Variants in CTNND2 observed in about 807,000 individuals in gnomAD.
The protein encoded by CTNND2 is catenin delta-2.
CTNND2 carries 22 observed loss-of-function variants against 144.4 expected under a neutral mutation model. The observed-to-expected ratio is 0.15, with a 90% CI of 0.11 to 0.22. The LOEUF (loss-of-function observed/expected upper bound fraction) is 0.22. Among genes scored for constraint, CTNND2 ranks in the 10% least tolerant of loss-of-function variants. The pLI is 1.00. For synonymous variants in CTNND2, 751 were observed against 695.6 expected (o/e 1.08, Z -1.25); for missense variants, 1,353 against 1,618.8 (o/e 0.84, Z 2.82).
At chr5:11,862,205 G>A (rs1236000540) in intron 1 of CTNND2, among the ~76,000 whole-genome samples, 1 of 152,088 alleles carries the variant, frequency 6.6e-6, no homozygotes, top group African/African-American at 2.4e-5. Flanking sequence ...TTTTCTCAAA[G>A]ATTGTCCTGT....
At position 11,475,006 on chromosome 5, in the gene CTNND2, C is replaced by T. The variant is rs144534687; in HGVS notation, c.288-62937G>A. Reference sequence around the variant, plus strand: ...AGGTGTAATCAGCAGAACTGTGCTGCCTCTGCAGAGATAATTTTCTGAACT... The same window carrying T: ...AGGTGTAATCAGCAGAACTGTGCTGTCTCTGCAGAGATAATTTTCTGAACT... On this transcript the variant is annotated intron_variant, in intron 3 of 21. Transcript: ENST00000304623. 2.3e-3 allele frequency among the ~76,000 whole-genome samples: 349 copies of T among 152,276 alleles called. 4 individuals are homozygous for T. The highest frequency in any genetic ancestry group is 7.3e-3 in the Admixed American group (112 of 15,294).
At chr5:11,171,933 A>G (rs1032962057) in intron 11 of CTNND2, among the ~76,000 whole-genome samples, 1 of 152,248 alleles carries the variant, frequency 6.6e-6, no homozygotes, top group Admixed American at 6.5e-5. Context: ...ATTGTAGAGT[A>G]GATGCCACCT....
intron 3 of CTNND2, among the ~76,000 whole-genome samples, chr5:11,527,464 C>G (rs143180568): frequency 6.6e-6 from 1 of 152,146 alleles, no homozygotes; most frequent in Admixed American, 6.5e-5. Flanking sequence ...AATCCCACCC[C>G]CTGTACCCTT....
At chr5:11,530,489 A>C (rs1204895766) in intron 3 of CTNND2, among the ~76,000 whole-genome samples, 1 of 152,146 alleles carries the variant, frequency 6.6e-6, no homozygotes. Context: ...AGGAGGTAGA[A>C]GAGGCTCACT....
intron 8 of CTNND2, among the ~76,000 whole-genome samples, chr5:11,356,470 T>A (rs1374439327): frequency 6.6e-6 from 1 of 152,078 alleles, no homozygotes; most frequent in Non-Finnish European, 1.5e-5. Flanking sequence ...TTTCAACAGA[T>A]AATGCTGAGA....
At chr5:11,849,859 C>G (rs1423567842) in intron 1 of CTNND2, among the ~76,000 whole-genome samples, 1 of 152,060 alleles carries the variant, frequency 6.6e-6, no homozygotes, top group Admixed American at 6.6e-5. Flanking sequence ...GGCCAGGAAC[C>G]CAGAATGGCT....
rs117657902 is a variant in CTNND2, at chr5:11,210,074, A to G, written c.1762-10413T>C. 6.6e-5 allele frequency among the ~76,000 whole-genome samples: 10 copies of G among 152,344 alleles called. No individual in the cohort carries two copies. In the East Asian group the frequency reaches 1.9e-3, roughly 29 times the overall value. On this transcript the variant is annotated intron_variant, in intron 10 of 21. Coordinates refer to ENST00000304623, the MANE Select transcript of CTNND2 (RefSeq NM_001332.4). ...TCCACTCCCTCAATACAATAAGGATAGAGTGTGACACTGGGTAGTTTTATA... is the reference window on the plus strand; with the variant it reads ...TCCACTCCCTCAATACAATAAGGATGGAGTGTGACACTGGGTAGTTTTATA...
At chr5:11,364,357 G>A (rs777584453) in intron 8 of CTNND2, among the ~76,000 whole-genome samples, 7 of 152,104 alleles carry the variant, frequency 4.6e-5, no homozygotes, top group South Asian at 2.1e-4. Context: ...CGTCTTTCAC[G>A]TCCTACAAAT....
intron 2 of CTNND2, among the ~76,000 whole-genome samples, chr5:11,653,074 TGTG>T (rs1782727922): frequency 7.5e-5 from 1 of 13,268 alleles, no homozygotes; most frequent in Non-Finnish European, 3.0e-4. Flanking sequence ...AAAATTCGTG[TGTG>T]TGTGTGTGTG....
At chr5:11,489,748 T>C (rs541671778) in intron 3 of CTNND2, among the ~76,000 whole-genome samples, 53 of 152,334 alleles carry the variant, frequency 3.5e-4, no homozygotes, top group African/African-American at 1.2e-3. Flanking sequence ...GGTGTCCTAA[T>C]TCACATATGA....
chr5:11,113,505 G>A (rs900937655), intron 13 of CTNND2, among the ~76,000 whole-genome samples: 1 of 152,088 alleles, frequency 6.6e-6, no homozygotes, highest in Non-Finnish European at 1.5e-5. Flanking sequence ...TGCAGAAAAC[G>A]TTTGCTGGTT....
intron 2 of CTNND2, among the ~76,000 whole-genome samples, chr5:11,646,403 A>G (rs532919081): frequency 1.3e-5 from 2 of 152,304 alleles, no homozygotes; most frequent in Non-Finnish European, 2.9e-5. Context: ...ATTCATATTC[A>G]ACAGGGTCTG....
In CTNND2 at chr5:11,677,773, G is replaced by A. The variant is rs368251556; in HGVS notation, c.174+54363C>T. Among the ~76,000 whole-genome samples, 15 of 152,204 alleles carry A rather than the reference G, an allele frequency of 9.9e-5. No individual in the cohort carries two copies. In the East Asian group the frequency reaches 2.5e-3, roughly 25 times the overall value. On this transcript the variant is annotated intron_variant, in intron 2 of 21. Transcript: ENST00000304623. The stretch of plus-strand genomic sequence containing the variant: ...TCTATTTTGATCACAGTTGTGTGTG[G>A]TTTCCACATAAAACACCTAGATTTC...
chr5:11,146,912 T>A (rs1757294744), intron 12 of CTNND2, among the ~76,000 whole-genome samples: 1 of 152,180 alleles, frequency 6.6e-6, no homozygotes, highest in Non-Finnish European at 1.5e-5. Context: ...AGGATAAATG[T>A]GAAGTTAGTT....
At chr5:11,694,463 A>C (rs1299013812) in intron 2 of CTNND2, among the ~76,000 whole-genome samples, 1 of 152,052 alleles carries the variant, frequency 6.6e-6, no homozygotes, top group Admixed American at 6.6e-5. Flanking sequence ...TGAAAAAAAC[A>C]AAACCAAACT....
Position 11,102,957 on chromosome 5 carries a change from T to A in CTNND2, c.2464-4209A>T, listed in dbSNP as rs1003085828. 2.0e-5 allele frequency among the ~76,000 whole-genome samples: 3 copies of A among 149,788 alleles called. 1 individual carries two copies. Among genetic ancestry groups the A allele is most frequent in the African/African-American group, 7.3e-5 (3 of 40,984 alleles). ...CTTTTGCTTCCATGCAGGGCTTAAA[T>A]TCTATTTAAAAGATTTTTTTTTTTT... On this transcript the variant is annotated intron_variant, in intron 14 of 21. Transcript: ENST00000304623.
chr5:11,003,821 T>C (rs1262566996), intron 18 of CTNND2, among the ~76,000 whole-genome samples: 1 of 152,264 alleles, frequency 6.6e-6, no homozygotes, highest in Non-Finnish European at 1.5e-5. Context: ...AAATACCACC[T>C]GACATACCAG....
chr5:11,793,293 T>C (rs945611691), intron 1 of CTNND2, among the ~76,000 whole-genome samples: 1 of 152,170 alleles, frequency 6.6e-6, no homozygotes, highest in Non-Finnish European at 1.5e-5. Context: ...ATTCTGTTCC[T>C]CTAGTAATTC....
intron 1 of CTNND2, among the ~76,000 whole-genome samples, chr5:11,762,055 T>C (rs990893482): frequency 3.3e-5 from 5 of 152,216 alleles, no homozygotes; most frequent in African/African-American, 1.2e-4. Context: ...GTTTCTATTA[T>C]CTAGAAAATT....
Sources: allele counts gnomAD v4.1 joint callset (sites outside exome capture counted in the v4.1 genomes callset), GRCh38; gene constraint gnomAD v4.1.1; transcripts MANE v1.5; gene names NCBI Gene and HGNC (gene_info 2026-07-23, HGNC 2026-07-21).